JMJD1C: variants seen among roughly 807,000 people sequenced by gnomAD.
JMJD1C encodes jumonji domain-containing protein 1C.
In JMJD1C, 31 loss-of-function variants were observed where a neutral mutation model predicts 245.3. That is an observed-to-expected ratio of 0.13 (90% CI 0.09 to 0.17). JMJD1C has a LOEUF of 0.17. Ranked by LOEUF, JMJD1C falls within the 10% of genes least tolerant of loss-of-function variation. The pLI is 1.00. For missense variants in JMJD1C, 2,691 were observed against 3,000.2 expected (o/e 0.90, Z 2.41); for synonymous variants, 1,057 against 1,017.4 (o/e 1.04, Z -0.74).
chr10:63,430,853 C>T lies in JMJD1C; in HGVS notation c.168+34642G>A, dbSNP rs142783366. On this transcript the variant is annotated intron_variant, in intron 1 of 25. Transcript: ENST00000399262. ...GGAATTCCTGGGCTCATGAGATCCT[C>T]GCACCTCAGCTTCCCGAGTAGCTGG... Among the ~76,000 whole-genome samples the T allele has an allele frequency of 2.0e-5, 3 of 152,276 alleles. No homozygotes were observed. In the East Asian group the frequency reaches 5.8e-4, roughly 29 times the overall value.
At chr10:63,439,277 G>C (rs1951226833) in intron 1 of JMJD1C, among the ~76,000 whole-genome samples, 1 of 152,186 alleles carries the variant, frequency 6.6e-6, no homozygotes, top group Non-Finnish European at 1.5e-5. Context: ...AGAAACAACA[G>C]TAAGTTATTG....
intron 22 of JMJD1C, among the ~76,000 whole-genome samples, chr10:63,180,942 G>T (rs930888424): frequency 6.6e-6 from 1 of 151,980 alleles, no homozygotes; most frequent in East Asian, 1.9e-4. Context: ...CTAATTTTTT[G>T]TATTTTTAGT....
intron 1 of JMJD1C, among the ~76,000 whole-genome samples, chr10:63,477,370 A>G (rs1953694838): frequency 7.7e-6 from 1 of 130,090 alleles, no homozygotes; most frequent in African/African-American, 2.9e-5. Context: ...GCAGTAATCA[A>G]CTCACCATAA....
At chr10:63,327,882 C>G (rs12767177) in intron 2 of JMJD1C, among the ~76,000 whole-genome samples, 100,816 of 151,688 alleles carry the variant, frequency 0.66, 36,102 homozygotes, top group Non-Finnish European at 0.81. Context: ...GTTGGTCAGG[C>G]TGGTCTTGAA....
At chr10:63,245,468 C>T (rs1299242268) in intron 3 of JMJD1C, among the ~76,000 whole-genome samples, 1 of 127,294 alleles carries the variant, frequency 7.9e-6, no homozygotes, top group African/African-American at 3.0e-5. Context: ...GGAGCTTCTG[C>T]AGGGGAACTC....
intron 2 of JMJD1C, among the ~76,000 whole-genome samples, chr10:63,289,000 C>G (rs1002702591): frequency 1.3e-5 from 2 of 150,900 alleles, no homozygotes; most frequent in Non-Finnish European, 3.0e-5. Flanking sequence ...ACTTTCTTTA[C>G]GTTTGCTTTC....
chr10:63,468,725 C>T (rs1436229483), upstream of JMJD1C, among the ~76,000 whole-genome samples: 1 of 152,194 alleles, frequency 6.6e-6, no homozygotes, highest in Non-Finnish European at 1.5e-5. Flanking sequence ...CACATCAATT[C>T]AAGCAAACCT....
intron 2 of JMJD1C, among the ~76,000 whole-genome samples, chr10:63,328,501 T>C (rs975373158): frequency 2.6e-5 from 4 of 152,224 alleles, no homozygotes; most frequent in African/African-American, 9.6e-5. Flanking sequence ...AGACATGTGA[T>C]GTTTTGTCTG....
chr10:63,264,659 G>A lies in JMJD1C; in HGVS notation c.439C>T (p.Pro147Ser), dbSNP rs754982442. ...DFLTEDSAFQ[P>S]YQDDIDSLNP... ...AATCTAAAATTTCTTACCTGGTAGG[G>A]CTGAAAGGCACTATCTTCAGTTAAA... Residue 147 changes from proline (P) to serine (S), a missense_variant, in exon 3 of 26, where the codon CCC (proline) becomes TCC (serine). Coordinates refer to ENST00000399262, the MANE Select transcript of JMJD1C (RefSeq NM_032776.3). 2.7e-6 allele frequency: 4 copies of A among 1,478,208 alleles called. No homozygotes were observed. In the East Asian group the frequency reaches 7.1e-5, roughly 26 times the overall value. The allele number at this position is 1,478,208 out of a possible 1,614,324, so 91.6% of individuals were successfully genotyped here. A position where few individuals can be genotyped will look rare whatever the true frequency, so the allele number is the denominator to read the frequency against.
chr10:63,484,208 G>A (rs1157338572), intron 1 of JMJD1C, among the ~76,000 whole-genome samples: 2 of 26,752 alleles, frequency 7.5e-5, no homozygotes, highest in East Asian at 1.7e-3. Context: ...ATGGATGGAT[G>A]GATGGATGGA....
In JMJD1C at chr10:63,362,797, T is replaced by C. The variant is rs565106301; in HGVS notation, c.333+17521A>G. Among the ~76,000 whole-genome samples the C allele has an allele frequency of 8.2e-4, 125 of 152,196 alleles. 1 individual carries two copies. The highest frequency in any genetic ancestry group is 7.9e-3 in the Admixed American group (120 of 15,268). On this transcript the variant is annotated intron_variant, in intron 2 of 25. Coordinates refer to ENST00000399262, the MANE Select transcript of JMJD1C (RefSeq NM_032776.3). ...TGCCTGGCCTAGTATATTGTATTTA[T>C]ATATAATTCCTAAAATATGATCAGT...
chr10:63,430,353 A>G (rs375262250), intron 1 of JMJD1C, among the ~76,000 whole-genome samples: 1 of 152,246 alleles, frequency 6.6e-6, no homozygotes, highest in South Asian at 2.1e-4. Flanking sequence ...CTTCATCAAA[A>G]TCAAGAGTGA....
intron 2 of JMJD1C, among the ~76,000 whole-genome samples, chr10:63,362,359 T>C (rs1945454323): frequency 6.6e-6 from 1 of 152,128 alleles, no homozygotes; most frequent in South Asian, 2.1e-4. Context: ...TAGTATCAGG[T>C]ATTCAGCCTC....
intron 1 of JMJD1C, among the ~76,000 whole-genome samples, chr10:63,403,501 C>A (rs1207273700): frequency 2.0e-5 from 3 of 152,188 alleles, no homozygotes; most frequent in Admixed American, 2.0e-4. Flanking sequence ...CCTTAGTTTT[C>A]AAGTTAGTCA....
chr10:63,186,643 C>T (rs945686568), intron 18 of JMJD1C, among the ~76,000 whole-genome samples: 4 of 152,116 alleles, frequency 2.6e-5, no homozygotes, highest in Non-Finnish European at 2.9e-5. Context: ...AATTCAAATT[C>T]CCTCACAGCT....
intron 1 of JMJD1C, among the ~76,000 whole-genome samples, chr10:63,504,540 C>A (rs12773976): frequency 0.042 from 6,445 of 152,184 alleles, 192 homozygotes; most frequent in Non-Finnish European, 0.067. Context: ...GCCAATAGGA[C>A]TGAAGCTTAG....
At chr10:63,219,008 G>A (rs545098686) in intron 4 of JMJD1C, among the ~76,000 whole-genome samples, 1 of 152,128 alleles carries the variant, frequency 6.6e-6, no homozygotes, top group African/African-American at 2.4e-5. Flanking sequence ...TTGATAGAAG[G>A]GGGTATGGAT....
chr10:63,342,807 T>G (rs1943491627), intron 2 of JMJD1C, among the ~76,000 whole-genome samples: 1 of 152,382 alleles, frequency 6.6e-6, no homozygotes, highest in Non-Finnish European at 1.5e-5. Flanking sequence ...CATGGGTGGC[T>G]GCAATAGTGA....
At chr10:63,269,649 T>G (rs899785115) in intron 2 of JMJD1C, among the ~76,000 whole-genome samples, 1 of 152,178 alleles carries the variant, frequency 6.6e-6, no homozygotes, top group Non-Finnish European at 1.5e-5. Context: ...TTTAAAATAT[T>G]TTTAGACAAT....
Sources: gnomAD v4.1 joint callset for allele counts (sites outside exome capture counted in the v4.1 genomes callset) on GRCh38, gnomAD v4.1.1 for gene constraint, MANE v1.5 for transcripts, NCBI Gene and HGNC (gene_info 2026-07-23, HGNC 2026-07-21) for gene names.